Variants in RBBP6 observed in about 807,000 individuals in gnomAD.
The protein encoded by RBBP6 is RB binding protein 6, ubiquitin ligase.
Under a neutral mutation model 167.7 loss-of-function variants are expected in RBBP6, and 25 were observed. The ratio of observed to expected loss-of-function variants is 0.15; its 90% CI spans 0.11 to 0.21. The LOEUF (loss-of-function observed/expected upper bound fraction) is 0.21. RBBP6 is among the 10% of genes least tolerant of loss of function. The pLI is 1.00. For missense variants in RBBP6, 1,868 were observed against 2,134.2 expected (o/e 0.88, Z 2.46); for synonymous variants, 789 against 735.8 (o/e 1.07, Z -1.17).
At chr16:24,565,319 G>A (rs1899168317) in intron 14 of RBBP6, among the ~76,000 whole-genome samples, 1 of 152,212 alleles carries the variant, frequency 6.6e-6, no homozygotes, top group Non-Finnish European at 1.5e-5. Context: ...GAAGAGACAG[G>A]AGATTGTTAG....
In RBBP6 at chr16:24,571,255, T is replaced by C; in HGVS notation, c.4189T>C (p.Ser1397Pro). 6.2e-7 allele frequency: 1 copy of C among 1,612,358 alleles called. No homozygotes were observed. Among genetic ancestry groups the C allele is most frequent in the Non-Finnish European group, 8.5e-7 (1 of 1,179,628 alleles). Residue 1397 changes from serine to proline, a missense_variant, in exon 18 of 18, where the codon TCT (serine) becomes CCT (proline). Transcript: ENST00000319715. ...HEVKSSKNSA[S>P]SEKGKTKDRD... ...GGTTAAAAGTTCAAAAAACTCTGCA[T>C]CTAGTGAAAAAGGGAAAACCAAAGA...
Position 24,553,534 on chromosome 16 carries a change from A to C in RBBP6, c.325A>C (p.Ile109Leu). 1 of 1,608,378 alleles carries C rather than the reference A, an allele frequency of 6.2e-7. No homozygotes were observed. Among genetic ancestry groups the C allele is most frequent in the South Asian group, 1.1e-5 (1 of 90,778 alleles). Residue 109 changes from isoleucine to leucine, a missense_variant, in exon 4 of 18, where the codon ATT becomes CTT. This residue lies in a region of RBBP6 where 184 missense variants were observed against 327.7 expected (regional missense o/e 0.56). Transcript: ENST00000319715. ...ACAGATTGATGACTCTTCCGCGTCTATTTCTCTGGCCCAGCTTACAAAGGT... is the reference window on the plus strand; with the variant it reads ...ACAGATTGATGACTCTTCCGCGTCTCTTTCTCTGGCCCAGCTTACAAAGGT... ...TKAIDDSSASISLAQLTKTAN... is the reference protein window; with the variant it reads ...TKAIDDSSASLSLAQLTKTAN...
intron 3 of RBBP6, among the ~76,000 whole-genome samples, chr16:24,550,965 C>G (rs762737456): frequency 2.6e-5 from 4 of 151,760 alleles, no homozygotes; most frequent in African/African-American, 9.7e-5. Context: ...GGCGCTAAGC[C>G]AAATTTTTCT....
rs530026638 is a variant in RBBP6, at chr16:24,559,548, C to G, written c.718C>G (p.Pro240Ala). The change falls in exon 8 of 18, where the codon CCA becomes GCA. Residue 240 changes from proline (P) to alanine (A), a missense_variant. Pro to Ala is a conservative substitution (Grantham distance 27). Transcript: ENST00000319715. The part of the protein sequence containing the change: ...IGKKEKPPFL[P>A]EEPSSSSEED... ...GAAGAAAGAGAAACCTCCCTTCTTA[C>G]CAGAGGAGCCATCTTCTTCCTCAGA... is the stretch of plus-strand genomic sequence containing the variant. 1.2e-5 allele frequency: 20 copies of G among 1,604,020 alleles called. No homozygotes were observed. The highest frequency in any genetic ancestry group is 1.7e-4 in the Middle Eastern group (1 of 6,030).
chr16:24,572,775 A>T lies in RBBP6; in HGVS notation c.*330A>T. ...CTGGCAAAAGCTGATATAAGTTCTA[A>T]AATATCAGCAGAATGATTTGCTGAA... On this transcript the variant is annotated 3_prime_UTR_variant, in exon 18 of 18. Coordinates refer to ENST00000319715, the MANE Select transcript of RBBP6 (RefSeq NM_006910.5). The T allele has an allele frequency of 4.9e-6, 1 of 205,860 alleles. No homozygotes were observed. The highest frequency in any genetic ancestry group is 9.8e-6 in the Non-Finnish European group (1 of 102,356). The allele number at this position is 205,860 out of a possible 1,614,324, so 12.8% of individuals were successfully genotyped here.
At chr16:24,570,841 T>C in intron 17 of RBBP6, 35 bp from the exon 18 acceptor site, 9 of 1,355,360 alleles carry the variant, frequency 6.6e-6, no homozygotes, top group Non-Finnish European at 8.7e-6. Flanking sequence ...TAGTAAATTC[T>C]TCATTAATTA....
rs750350115 is a variant in RBBP6 at position 24,569,279 on chromosome 16, G to T, written c.2589G>T (p.Glu863Asp). 138 of 1,612,216 alleles carry T rather than the reference G, an allele frequency of 8.6e-5. No homozygotes were observed. In the East Asian group the frequency reaches 3.1e-3, roughly 36 times the overall value. ...CAAATAGAGAGAACTTTTCTCCAGAGAGATTTTTGCCACTTAACATCAGGA... is the reference window on the plus strand; with the variant it reads ...CAAATAGAGAGAACTTTTCTCCAGATAGATTTTTGCCACTTAACATCAGGA... ...PSANRENFSP[E>D]RFLPLNIRNS... The change falls in exon 17 of 18, where the codon GAG becomes GAT. Residue 863 changes from glutamate to aspartate, a missense_variant. This residue lies in a region of RBBP6 where 673 missense variants were observed against 691.5 expected (regional missense o/e 0.97). Coordinates refer to ENST00000319715, the MANE Select transcript of RBBP6 (RefSeq NM_006910.5).
intron 7 of RBBP6, among the ~76,000 whole-genome samples, chr16:24,559,219 C>T (rs577885933): frequency 1.6e-4 from 25 of 152,166 alleles, no homozygotes; most frequent in Admixed American, 1.2e-3. Context: ...CAGAACATTT[C>T]GCTTTATTTC....
At chr16:24,568,503 G>A (rs1899245896) in intron 16 of RBBP6, among the ~76,000 whole-genome samples, 1 of 152,126 alleles carries the variant, frequency 6.6e-6, no homozygotes, top group Non-Finnish European at 1.5e-5. Flanking sequence ...ATAACTCACG[G>A]TACATTAATG....
Position 24,571,254 on chromosome 16 carries a change from A to C in RBBP6, c.4188A>C (p.Ala1396=), listed in dbSNP as rs564711556. Residue 1396 remains alanine, a synonymous_variant, in exon 18 of 18, where the codon GCA becomes GCC. Coordinates refer to ENST00000319715, the MANE Select transcript of RBBP6 (RefSeq NM_006910.5). Reference sequence around the variant, plus strand: ...AGGTTAAAAGTTCAAAAAACTCTGCATCTAGTGAAAAAGGGAAAACCAAAG... The same window carrying C: ...AGGTTAAAAGTTCAAAAAACTCTGCCTCTAGTGAAAAAGGGAAAACCAAAG... The part of the protein sequence containing the change: ...QHEVKSSKNS[A]SSEKGKTKDR... 3 of 1,612,728 alleles carry C rather than the reference A, an allele frequency of 1.9e-6. No individual in the cohort carries two copies. The highest frequency in any genetic ancestry group is 3.4e-5 in the Admixed American group (2 of 59,664).
chr16:24,568,579 C>G (rs1276139117), intron 16 of RBBP6, among the ~76,000 whole-genome samples, 166 bp from the exon 17 acceptor site: 2 of 152,176 alleles, frequency 1.3e-5, no homozygotes, highest in East Asian at 3.9e-4. Flanking sequence ...GATTTGTGTA[C>G]TTTATTCCAT....
intron 6 of RBBP6, 90 bp downstream of exon 6, chr16:24,556,007 C>A: frequency 8.6e-7 from 1 of 1,167,436 alleles, no homozygotes; most frequent in Non-Finnish European, 1.2e-6. Context: ...TTAATACTGC[C>A]TTCTGTAGAC....
At chr16:24,567,674 T>A (rs1899228309) in intron 15 of RBBP6, 118 bp from the exon 16 acceptor site, 1 of 1,266,862 alleles carries the variant, frequency 7.9e-7, no homozygotes, top group South Asian at 1.5e-5. Flanking sequence ...GTTTATAGTT[T>A]TAAAGTGGAA....
intron 13 of RBBP6, among the ~76,000 whole-genome samples, 173 bp downstream of exon 13, chr16:24,563,837 A>T (rs1488578821): frequency 6.6e-6 from 1 of 151,620 alleles, no homozygotes; most frequent in East Asian, 1.9e-4. Flanking sequence ...GTCAAAATTC[A>T]AGCTTATATG....
chr16:24,567,852 A>G lies in RBBP6; in HGVS notation c.2013A>G (p.Glu671=), dbSNP rs1161015182. The change falls in exon 16 of 18, where the codon GAA becomes GAG. Residue 671 remains glutamate, a synonymous_variant. Coordinates refer to ENST00000319715, the MANE Select transcript of RBBP6 (RefSeq NM_006910.5). ...FTNDFAKELM[E]YKKIQKERRR... ...ATGATTTTGCTAAGGAATTGATGGA[A>G]TACAAAAAGATTCAAAAGGAGCGTA... 1.2e-6 allele frequency: 2 copies of G among 1,613,904 alleles called. No individual in the cohort carries two copies. Among genetic ancestry groups the G allele is most frequent in the South Asian group, 2.2e-5 (2 of 91,076 alleles).
intron 7 of RBBP6, among the ~76,000 whole-genome samples, chr16:24,557,202 G>A (rs1338403785): frequency 6.6e-6 from 1 of 151,836 alleles, no homozygotes; most frequent in Non-Finnish European, 1.5e-5. Flanking sequence ...GAGTTTCACC[G>A]TGTTAGCCTG....
chr16:24,558,600 G>A (rs1389482461), intron 7 of RBBP6: 1 of 736,806 alleles, frequency 1.4e-6, no homozygotes, highest in African/African-American at 1.9e-5. Context: ...CTCTGTTCCT[G>A]AATGAAATAG....
chr16:24,570,412 A>G lies in RBBP6; in HGVS notation c.3722A>G (p.Lys1241Arg), dbSNP rs781242790. 2.5e-6 allele frequency: 4 copies of G among 1,610,702 alleles called. No homozygotes were observed. The highest frequency in any genetic ancestry group is 3.4e-6 in the Non-Finnish European group (4 of 1,179,322). The change falls in exon 17 of 18, where the codon AAA becomes AGA. Residue 1241 changes from lysine to arginine, a missense_variant. This residue lies in a region of RBBP6 where 673 missense variants were observed against 691.5 expected (regional missense o/e 0.97). Coordinates refer to ENST00000319715, the MANE Select transcript of RBBP6 (RefSeq NM_006910.5). The part of the protein sequence containing the change: ...PSEKLESTSS[K>R]VKQEKVKGKV... ...GAAAAATTGGAGTCAACATCTAGCA[A>G]AGTTAAACAAGAAAAAGTCAAAGGA...
chr16:24,542,592 G>A (rs538462153), intron 1 of RBBP6, among the ~76,000 whole-genome samples: 1 of 152,202 alleles, frequency 6.6e-6, no homozygotes, highest in Admixed American at 6.5e-5. Flanking sequence ...CCAAGTAGCT[G>A]GGACTACAGG....
Sources: gnomAD v4.1 joint callset for allele counts (sites outside exome capture counted in the v4.1 genomes callset) on GRCh38, gnomAD v4.1.1 for gene constraint, gnomAD v4.1.1 regional missense constraint, MANE v1.5 for transcripts, NCBI Gene and HGNC (gene_info 2026-07-23, HGNC 2026-07-21) for gene names.